The following TAFA3 variants were observed in gnomAD, a reference collection of about 807,000 sequenced individuals.
TAFA3 encodes the protein TAFA chemokine like family member 3, also known as chemokine-like protein TAFA-3.
A neutral mutation model predicts 20.7 loss-of-function variants in TAFA3; 17 were observed. The observed-to-expected ratio is 0.82, with a 90% confidence interval of 0.56 to 1.23. The LOEUF (loss-of-function observed/expected upper bound fraction) is 1.23, where lower values mean the gene tolerates loss of function less well. Ranked by LOEUF, TAFA3 falls within the 50% of genes most tolerant of loss-of-function variation. The pLI is 0.00. For synonymous variants in TAFA3, 74 were observed against 71.8 expected (o/e 1.03, Z -0.16); for missense variants, 174 against 172.8 (o/e 1.01, Z -0.04).
At chr1:112,719,906 G>T (rs80324297) in intron 1 of TAFA3, among the ~76,000 whole-genome samples, 6,084 of 152,256 alleles carry the variant, frequency 0.04, 417 homozygotes, top group African/African-American at 0.14. Context: ...TAGGAGCTAG[G>T]ACTCAGGGGT....
chr1:112,726,907 G>C lies in TAFA3; in HGVS notation c.*267G>C. On this transcript the variant is annotated 3_prime_UTR_variant, in exon 6 of 6. Coordinates refer to ENST00000361886, the MANE Select transcript of TAFA3 (RefSeq NM_182759.3). Reference sequence around the variant, plus strand: ...TTAAGGAATGTCCAGTTGAATTGGAGAGTTGATGACAGACAATTTAGATAA... The same window carrying C: ...TTAAGGAATGTCCAGTTGAATTGGACAGTTGATGACAGACAATTTAGATAA... 1.9e-6 allele frequency: 1 copy of C among 531,840 alleles called. No individual in the cohort carries two copies. Among genetic ancestry groups the C allele is most frequent in the East Asian group, 3.2e-5 (1 of 31,734 alleles). 32.9% of individuals were successfully genotyped at this position (531,840 alleles called of 1,614,324 possible). A position where few individuals can be genotyped will look rare whatever the true frequency, so the allele number is the denominator to read the frequency against.
chr1:112,721,963 C>T (rs1187630573), intron 2 of TAFA3, among the ~76,000 whole-genome samples: 1 of 152,178 alleles, frequency 6.6e-6, no homozygotes, highest in African/African-American at 2.4e-5. Flanking sequence ...GTATTATTGT[C>T]CCTCCCATGT....
At chr1:112,721,188 C>T (rs978421828) in intron 2 of TAFA3, among the ~76,000 whole-genome samples, 5 of 152,232 alleles carry the variant, frequency 3.3e-5, no homozygotes, top group African/African-American at 1.2e-4. Context: ...GAGAAAAAGT[C>T]TCTCTTCTAC....
At position 112,723,502 on chromosome 1, in the gene TAFA3, A is replaced by G. The variant is rs181339103; in HGVS notation, c.265+337A>G. On this transcript the variant is annotated intron_variant, in intron 4 of 5. Coordinates refer to ENST00000361886, the MANE Select transcript of TAFA3 (RefSeq NM_182759.3). ...CTCCTTCCCCTGGCTGTCTCAGCCTACTCTCCTCTCCTTCTCAGCCCTTCT... is the reference window on the plus strand; with the variant it reads ...CTCCTTCCCCTGGCTGTCTCAGCCTGCTCTCCTCTCCTTCTCAGCCCTTCT... 5.6e-4 allele frequency among the ~76,000 whole-genome samples: 84 copies of G among 150,912 alleles called. 1 individual carries two copies. The highest frequency in any genetic ancestry group is 3.4e-3 in the Middle Eastern group (1 of 294).
chr1:112,726,743 C>A lies in TAFA3; in HGVS notation c.*103C>A. On this transcript the variant is annotated 3_prime_UTR_variant, in exon 6 of 6. Coordinates refer to ENST00000361886, the MANE Select transcript of TAFA3 (RefSeq NM_182759.3). ...GAAAGATGGGGATTCACTTACATGCCTCATGTCAAATGCAGCATCAGTCTT... is the reference window on the plus strand; with the variant it reads ...GAAAGATGGGGATTCACTTACATGCATCATGTCAAATGCAGCATCAGTCTT... 6.4e-7 allele frequency: 1 copy of A among 1,559,732 alleles called. No homozygotes were observed. The highest frequency in any genetic ancestry group is 8.8e-7 in the Non-Finnish European group (1 of 1,131,208).
At chr1:112,723,360 G>C (rs1308952850) in intron 4 of TAFA3, among the ~76,000 whole-genome samples, 195 bp downstream of exon 4, 1 of 152,144 alleles carries the variant, frequency 6.6e-6, no homozygotes, top group Non-Finnish European at 1.5e-5. Context: ...AAAAGCTCTT[G>C]TTATGCGCAC....
chr1:112,720,168 G>A (rs1231885241), intron 1 of TAFA3, among the ~76,000 whole-genome samples: 1 of 152,070 alleles, frequency 6.6e-6, no homozygotes, highest in Non-Finnish European at 1.5e-5. Flanking sequence ...AAGCAAAGAG[G>A]ATCAGGGCCT....
chr1:112,722,633 C>G (rs1675356972), intron 3 of TAFA3, among the ~76,000 whole-genome samples: 1 of 152,172 alleles, frequency 6.6e-6, no homozygotes, highest in African/African-American at 2.4e-5. Context: ...TCTCTAGCCT[C>G]CTGGCCTAAT....
intron 3 of TAFA3, 27 bp downstream of exon 3, chr1:112,722,375 G>A (rs992935001): frequency 6.3e-7 from 1 of 1,599,664 alleles, no homozygotes; most frequent in Non-Finnish European, 8.5e-7. Context: ...AGGGCCCGGG[G>A]AGGGAGTTTC....
chr1:112,725,053 GCCATAA>G (rs972798982), intron 5 of TAFA3, among the ~76,000 whole-genome samples: 14 of 152,024 alleles, frequency 9.2e-5, no homozygotes, highest in African/African-American at 3.1e-4. Flanking sequence ...ATACTACACA[GCCATAA>G]AAAAAATAAT....
rs777335559 is a variant in TAFA3, at chr1:112,722,311, C to A, written c.78C>A (p.His26Gln). The change falls in exon 3 of 6, where the codon CAC (histidine) becomes CAA (glutamine). Residue 26 changes from histidine to glutamine, a missense_variant. By Grantham distance (24) the His-to-Gln change is conservative. Coordinates refer to ENST00000361886, the MANE Select transcript of TAFA3 (RefSeq NM_182759.3). ...LALCLAWLWT[H>Q]LTLAALQPPT... ...TGTGCCTGGCCTGGCTGTGGACCCA[C>A]CTGACCTTGGCTGCCTTGCAGCCTC... 1 of 1,613,814 alleles carries A rather than the reference C, an allele frequency of 6.2e-7. No homozygotes were observed. Among genetic ancestry groups the A allele is most frequent in the Admixed American group, 1.7e-5 (1 of 60,004 alleles).
Position 112,726,650 on chromosome 1 carries a change from G to A in TAFA3, c.*10G>A. 6.2e-7 allele frequency: 1 copy of A among 1,613,902 alleles called. No homozygotes were observed. Among genetic ancestry groups the A allele is most frequent in the East Asian group, 2.2e-5 (1 of 44,884 alleles). On this transcript the variant is annotated 3_prime_UTR_variant, in exon 6 of 6. Transcript: ENST00000361886. Reference sequence around the variant, plus strand: ...CCAGGTCACACGATAGCTCTTGGGGGTCACGGCCTGGACAAGAAAGGCTTG... The same window carrying A: ...CCAGGTCACACGATAGCTCTTGGGGATCACGGCCTGGACAAGAAAGGCTTG...
rs762760563 is a variant in TAFA3 at position 112,723,112 on chromosome 1, G to A, written c.212G>A (p.Cys71Tyr). 15 of 1,613,270 alleles carry A rather than the reference G, an allele frequency of 9.3e-6. No homozygotes were observed. The highest frequency in any genetic ancestry group is 1.2e-5 in the Non-Finnish European group (14 of 1,179,840). ...EERSQTVKCS[C>Y]FSGQVAGTTR... ...CGCTCCCAGACGGTGAAATGCTCCT[G>A]TTTTTCTGGCCAGGTGGCCGGCACC... Residue 71 changes from cysteine to tyrosine, a missense_variant, in exon 4 of 6, where the codon TGT (cysteine) becomes TAT (tyrosine). Cys to Tyr is a radical substitution (Grantham distance 194, BLOSUM62 -2). Coordinates refer to ENST00000361886, the MANE Select transcript of TAFA3 (RefSeq NM_182759.3).
rs1264179009 is a variant in TAFA3 at position 112,723,036 on chromosome 1, T to G, written c.136T>G (p.Cys46Gly). ...TATVLVQQGT[C>G]EVIAAHRCCN... ...CTCAGTGCTTGTGCAGCAGGGCACC[T>G]GCGAGGTGATTGCGGCTCACCGCTG... Residue 46 changes from cysteine to glycine, a missense_variant, in exon 4 of 6, where the codon TGC becomes GGC. Coordinates refer to ENST00000361886, the MANE Select transcript of TAFA3 (RefSeq NM_182759.3). 6.2e-7 allele frequency: 1 copy of G among 1,612,644 alleles called. No homozygotes were observed. Among genetic ancestry groups the G allele is most frequent in the Admixed American group, 1.7e-5 (1 of 59,940 alleles).
intron 1 of TAFA3, among the ~76,000 whole-genome samples, 69 bp downstream of exon 1, chr1:112,719,368 G>T (rs1675276447): frequency 2.6e-5 from 4 of 152,216 alleles, no homozygotes; most frequent in Admixed American, 2.0e-4. Context: ...TGTGGGGAGA[G>T]AAGGTGAAGA....
chr1:112,723,334 C>T (rs1675377247), intron 4 of TAFA3, among the ~76,000 whole-genome samples, 169 bp downstream of exon 4: 1 of 152,162 alleles, frequency 6.6e-6, no homozygotes, highest in South Asian at 2.1e-4. Flanking sequence ...GTGGCCATCC[C>T]TGTGTCATAG....
chr1:112,724,078 G>A lies in TAFA3; in HGVS notation c.331G>A (p.Val111Met). The change falls in exon 5 of 6, where the codon GTG becomes ATG. Residue 111 changes from valine to methionine, a missense_variant. Physicochemically the swap from Val to Met is conservative, Grantham distance 21. Coordinates refer to ENST00000361886, the MANE Select transcript of TAFA3 (RefSeq NM_182759.3). ...CTGCCTGCCGGGGGAGGAGTGTAAG[G>A]TGCTCCCGGACCTGTCGGGATGGAG... The part of the protein sequence containing the change: ...EPCLPGEECK[V>M]LPDLSGWSCS... 2 of 1,613,624 alleles carry A rather than the reference G, an allele frequency of 1.2e-6. No individual in the cohort carries two copies. The highest frequency in any genetic ancestry group is 1.7e-6 in the Non-Finnish European group (2 of 1,179,978).
intron 1 of TAFA3, among the ~76,000 whole-genome samples, chr1:112,720,144 T>A (rs919555177): frequency 6.6e-6 from 1 of 151,988 alleles, no homozygotes; most frequent in Non-Finnish European, 1.5e-5. Flanking sequence ...GGTGCCATAG[T>A]GGGTAGGAGG....
At position 112,726,494 on chromosome 1, in the gene TAFA3, A is replaced by G. The variant is rs145947213; in HGVS notation, c.391-135A>G. 2.5e-4 allele frequency: 219 copies of G among 876,420 alleles called. 3 individuals are homozygous for G. The East Asian group carries it at 5.4e-3, about 21-fold the overall frequency. The allele number at this position is 876,420 out of a possible 1,614,324, so 54.3% of individuals were successfully genotyped here. Reference sequence around the variant, plus strand: ...ATGGGTCACCAGGCCATGCTTTCCCATTCCGGCCTGCTTTAGGGTGAGAGG... The same window carrying G: ...ATGGGTCACCAGGCCATGCTTTCCCGTTCCGGCCTGCTTTAGGGTGAGAGG... On this transcript the variant is annotated intron_variant, in intron 5 of 5. Coordinates refer to ENST00000361886, the MANE Select transcript of TAFA3 (RefSeq NM_182759.3).
Sources: gnomAD v4.1 joint callset for allele counts (sites outside exome capture counted in the v4.1 genomes callset) on GRCh38, gnomAD v4.1.1 for gene constraint, MANE v1.5 for transcripts, NCBI Gene and HGNC (gene_info 2026-07-23, HGNC 2026-07-21) for gene names.